Variants in GRM7 observed in about 807,000 individuals in gnomAD.
GRM7 encodes metabotropic glutamate receptor 7.
Under a neutral mutation model 84.5 loss-of-function variants are expected in GRM7, and 35 were observed. That is an observed-to-expected ratio of 0.41 (90% CI 0.32 to 0.55). The LOEUF is 0.55. GRM7 is among the 20% of genes least tolerant of loss of function. GRM7 has a pLI of 0.19. For missense variants in GRM7, 1,003 were observed against 1,194.6 expected (o/e 0.84, Z 2.36); for synonymous variants, 487 against 455.1 (o/e 1.07, Z -0.89).
chr3:7,041,977 A>G (rs1696637615), intron 1 of GRM7, among the ~76,000 whole-genome samples: 1 of 152,208 alleles, frequency 6.6e-6, no homozygotes, highest in Admixed American at 6.5e-5. Context: ...GCATTCAGAG[A>G]GCTATCAGAT....
chr3:7,379,086 T>C (rs192824201), intron 4 of GRM7, among the ~76,000 whole-genome samples: 14 of 152,312 alleles, frequency 9.2e-5, no homozygotes, highest in Admixed American at 8.5e-4. Context: ...TTTTTACTTT[T>C]TTTGAAGATG....
intron 8 of GRM7, among the ~76,000 whole-genome samples, chr3:7,612,301 T>C (rs1053226639): frequency 6.6e-6 from 1 of 152,204 alleles, no homozygotes; most frequent in African/African-American, 2.4e-5. Flanking sequence ...AACTACTTCC[T>C]GGAGTTTATG....
At chr3:7,022,692 A>G (rs1695823745) in intron 1 of GRM7, among the ~76,000 whole-genome samples, 1 of 152,118 alleles carries the variant, frequency 6.6e-6, no homozygotes, top group African/African-American at 2.4e-5. Flanking sequence ...TTTTGGAAGA[A>G]AGAGCCCATG....
chr3:7,650,171 T>C (rs7614798), intron 8 of GRM7, among the ~76,000 whole-genome samples: 186 of 152,044 alleles, frequency 1.2e-3, no homozygotes, highest in African/African-American at 4.2e-3. Flanking sequence ...TTAATGCTAT[T>C]AAGTAACATT....
At chr3:7,267,629 A>G (rs13097611) in intron 2 of GRM7, among the ~76,000 whole-genome samples, 55,395 of 152,102 alleles carry the variant, frequency 0.36, 11,595 homozygotes, top group Admixed American at 0.5. Flanking sequence ...GGCTTTCATC[A>G]GGTGCTGATG....
intron 2 of GRM7, among the ~76,000 whole-genome samples, chr3:7,264,523 A>G (rs1698559332): frequency 7.2e-6 from 1 of 139,804 alleles, no homozygotes; most frequent in African/African-American, 2.8e-5. Flanking sequence ...CAGGGCCAGG[A>G]ATAAGTCCCC....
chr3:7,135,868 A>T (rs1253749426), intron 1 of GRM7, among the ~76,000 whole-genome samples: 5 of 152,194 alleles, frequency 3.3e-5, no homozygotes, highest in Admixed American at 1.3e-4. Flanking sequence ...ATGAGAACTA[A>T]GCTTGCAGTG....
At chr3:7,202,657 C>T (rs1489109698) in intron 2 of GRM7, among the ~76,000 whole-genome samples, 1 of 152,100 alleles carries the variant, frequency 6.6e-6, no homozygotes, top group African/African-American at 2.4e-5. Flanking sequence ...AAACAAATAG[C>T]GTTCATGCAA....
chr3:7,576,026 C>T (rs1003306616), intron 7 of GRM7, among the ~76,000 whole-genome samples: 8 of 152,088 alleles, frequency 5.3e-5, no homozygotes, highest in South Asian at 2.1e-4. Context: ...TTATGTGGCA[C>T]GTGAGTAGCC....
intron 1 of GRM7, among the ~76,000 whole-genome samples, chr3:7,093,085 A>G (rs1007868196): frequency 6.6e-6 from 1 of 152,154 alleles, no homozygotes; most frequent in African/African-American, 2.4e-5. Context: ...AACACCAACA[A>G]CAGCGACAAC....
intron 8 of GRM7, among the ~76,000 whole-genome samples, chr3:7,651,097 C>G (rs1486435924): frequency 6.6e-6 from 1 of 152,164 alleles, no homozygotes; most frequent in Admixed American, 6.5e-5. Flanking sequence ...TCATACAGTT[C>G]ACGTCTTCTC....
intron 9 of GRM7, among the ~76,000 whole-genome samples, chr3:7,736,259 C>A (rs1422674997): frequency 9.2e-5 from 14 of 152,012 alleles, no homozygotes; most frequent in Non-Finnish European, 7.4e-5. Context: ...ATTTAGATAT[C>A]AATCTTTTGT....
chr3:7,678,192 C>T (rs545537597), intron 8 of GRM7, among the ~76,000 whole-genome samples: 22 of 152,136 alleles, frequency 1.4e-4, no homozygotes, highest in Admixed American at 5.2e-4. Context: ...TGTAATAAAC[C>T]TGCACATGTA....
intron 8 of GRM7, among the ~76,000 whole-genome samples, chr3:7,665,935 A>G (rs1410433701): frequency 1.3e-5 from 2 of 152,186 alleles, no homozygotes; most frequent in Non-Finnish European, 1.5e-5. Context: ...TGGAATTATT[A>G]TACTCCTTAT....
At chr3:7,124,905 G>T (rs186418061) in intron 1 of GRM7, among the ~76,000 whole-genome samples, 1 of 152,154 alleles carries the variant, frequency 6.6e-6, no homozygotes, top group Admixed American at 6.5e-5. Flanking sequence ...GTTGCCTTTT[G>T]CATCTGAAAT....
intron 9 of GRM7, among the ~76,000 whole-genome samples, chr3:7,712,579 G>A (rs1701618562): frequency 6.6e-6 from 1 of 151,534 alleles, no homozygotes; most frequent in South Asian, 2.1e-4. Flanking sequence ...ACCACCACTG[G>A]TTTCCTTAAA....
At chr3:6,993,216 C>T (rs964748149) in intron 1 of GRM7, among the ~76,000 whole-genome samples, 12 of 152,122 alleles carry the variant, frequency 7.9e-5, no homozygotes, top group African/African-American at 2.9e-4. Context: ...ATGGGGGAAA[C>T]GGCCCTCATG....
At chr3:7,213,977 A>C (rs1259385100) in intron 2 of GRM7, among the ~76,000 whole-genome samples, 2 of 152,210 alleles carry the variant, frequency 1.3e-5, no homozygotes, top group South Asian at 4.1e-4. Flanking sequence ...ACTTCTTGCT[A>C]AGTATCTCAT....
intron 9 of GRM7, among the ~76,000 whole-genome samples, chr3:7,730,132 CA>C (rs1702264748): frequency 6.7e-6 from 1 of 149,326 alleles, no homozygotes; most frequent in Non-Finnish European, 1.5e-5. Context: ...CTTGGCCTCC[CA>C]AAGTGCTGGG....
Sources: allele counts gnomAD v4.1 joint callset (sites outside exome capture counted in the v4.1 genomes callset), GRCh38; gene constraint gnomAD v4.1.1; transcripts MANE v1.5; gene names NCBI Gene and HGNC (gene_info 2026-07-23, HGNC 2026-07-21).